Variants in GPRC5C observed in about 807,000 individuals in gnomAD.
GPRC5C encodes G protein-coupled receptor class C group 5 member C.
In GPRC5C, 22 loss-of-function variants were observed where a neutral mutation model predicts 31.4. The ratio of observed to expected loss-of-function variants is 0.70; its 90% CI spans 0.50 to 1.00. The LOEUF (loss-of-function observed/expected upper bound fraction) is 1.00, where lower values mean the gene tolerates loss of function less well. GPRC5C is among the 50% of genes least tolerant of loss of function. GPRC5C has a pLI of 0.00. For synonymous variants in GPRC5C, 249 were observed against 257.5 expected, an observed-to-expected ratio of 0.97 and a Z score of 0.32; for missense variants, 557 against 597.2, an observed-to-expected ratio of 0.93 and a Z score of 0.70.
Position 74,433,567 on chromosome 17 carries a change from G to A in GPRC5C, c.-33+1426G>A, listed in dbSNP as rs548618271. 4 of 734,906 alleles carry A rather than the reference G, an allele frequency of 5.4e-6. No homozygotes were observed. The East Asian group carries it at 7.6e-5, about 14-fold the overall frequency. The allele number at this position is 734,906 out of a possible 1,614,324, so 45.5% of individuals were successfully genotyped here. A position where few individuals can be genotyped will look rare whatever the true frequency, so the allele number is the denominator to read the frequency against. ...CCTGCACAGAGGGGTGAGACAGTGG[G>A]ACCTAACCAGGGACTGGGAGAGACC... On this transcript the variant is annotated intron_variant, in intron 1 of 3. Transcript: ENST00000392627.
At chr17:74,436,262 C>T (rs2055429874) in intron 1 of GPRC5C, among the ~76,000 whole-genome samples, 1 of 152,202 alleles carries the variant, frequency 6.6e-6, no homozygotes, top group Non-Finnish European at 1.5e-5. Flanking sequence ...TTGATTCACA[C>T]CATCTTTTCT....
At chr17:74,435,257 T>G (rs1217926752) in intron 1 of GPRC5C, among the ~76,000 whole-genome samples, 1 of 151,622 alleles carries the variant, frequency 6.6e-6, no homozygotes, top group African/African-American at 2.4e-5. Flanking sequence ...GAATGTGCAC[T>G]CCCGGCATCA....
At chr17:74,433,251 G>GT (rs139486814) in intron 1 of GPRC5C, among the ~76,000 whole-genome samples, 11,648 of 152,178 alleles carry the variant, frequency 0.077, 468 homozygotes, top group African/African-American at 0.11. Flanking sequence ...CCCCACCCCT[G>GT]TGCCTTCAAC....
In GPRC5C at chr17:74,446,982, A is replaced by G. The variant is rs1417035939; in HGVS notation, c.1280A>G (p.Asp427Gly). 3.7e-6 allele frequency: 6 copies of G among 1,614,166 alleles called. 1 individual carries two copies. The Admixed American group carries it at 1.0e-4, about 27-fold the overall frequency. Reference sequence around the variant, plus strand: ...CACCAGGCGGCCACACCGCCGAAAGACGGCAAGAACTCTCAGGTCTTTAGA... The same window carrying G: ...CACCAGGCGGCCACACCGCCGAAAGGCGGCAAGAACTCTCAGGTCTTTAGA... ...QSHQAATPPKDGKNSQVFRNP... is the reference protein window; with the variant it reads ...QSHQAATPPKGGKNSQVFRNP... Residue 427 changes from aspartate (D) to glycine (G), a missense_variant, in exon 4 of 4, where the codon GAC becomes GGC. Physicochemically the swap from Asp to Gly is moderately conservative, Grantham distance 94 (BLOSUM62 -1). Coordinates refer to ENST00000392627, the MANE Select transcript of GPRC5C (RefSeq NM_022036.4).
rs1209205418 is a variant in GPRC5C at position 74,439,865 on chromosome 17, G to A, written c.89G>A (p.Gly30Asp). The change falls in exon 2 of 4, where the codon GGC (glycine) becomes GAC (aspartate). Residue 30 changes from glycine to aspartate, a missense_variant. By Grantham distance (94) the Gly-to-Asp change is moderately conservative. Transcript: ENST00000392627. ...TGGGCCCAGGGCCATGTCCCACCCG[G>A]CTGCAGCCAAGGCCTCAACCCCCTG... ...GAWAQGHVPP[G>D]CSQGLNPLYY... 13 of 1,613,250 alleles carry A rather than the reference G, an allele frequency of 8.1e-6. No homozygotes were observed. The highest frequency in any genetic ancestry group is 1.0e-5 in the Non-Finnish European group (12 of 1,180,016).
chr17:74,445,745 A>C (rs1373490631), intron 3 of GPRC5C: 1 of 151,868 alleles, frequency 6.6e-6, no homozygotes, highest in Non-Finnish European at 1.5e-5. Flanking sequence ...CCAGGAATAC[A>C]CCTTTCCTCC....
chr17:74,444,715 G>A (rs1408177171), intron 3 of GPRC5C, among the ~76,000 whole-genome samples: 1 of 152,206 alleles, frequency 6.6e-6, no homozygotes, highest in Admixed American at 6.5e-5. Context: ...AGCCTGGGCA[G>A]AGGAGAGCTT....
Position 74,447,059 on chromosome 17 carries a change from T to G in GPRC5C, c.*31T>G, listed in dbSNP as rs768347319. On this transcript the variant is annotated 3_prime_UTR_variant, in exon 4 of 4. Coordinates refer to ENST00000392627, the MANE Select transcript of GPRC5C (RefSeq NM_022036.4). ...CGGTGGCGAGGAGAGGCGGGCGGAT[T>G]TGGGGAGGGCCCTGAGGACCTGGCC... 3.8e-6 allele frequency: 6 copies of G among 1,594,008 alleles called. No homozygotes were observed. Among genetic ancestry groups the G allele is most frequent in the Middle Eastern group, 1.7e-4 (1 of 5,962 alleles).
downstream of GPRC5C, among the ~76,000 whole-genome samples, chr17:74,448,164 TA>T (rs559229157): frequency 6.6e-6 from 1 of 152,170 alleles, no homozygotes; most frequent in South Asian, 2.1e-4. Context: ...AATTTTTTTT[TA>T]ATTAGCCAGA....
At position 74,437,629 on chromosome 17, in the gene GPRC5C, A is replaced by ATTT. The variant is rs57390968; in HGVS notation, c.-32-2103_-32-2101dup. Reference sequence around the variant, plus strand: ...CTTTCACATAACAATTATGGACAGAATTTTTTTTTTTTTTTGCTTCTGTGT... The same window carrying ATTT: ...CTTTCACATAACAATTATGGACAGAATTTTTTTTTTTTTTTTTTGCTTCTGTGT... On this transcript the variant is annotated intron_variant, in intron 1 of 3. Coordinates refer to ENST00000392627, the MANE Select transcript of GPRC5C (RefSeq NM_022036.4). Among the ~76,000 whole-genome samples the ATTT allele has an allele frequency of 5.5e-4, 72 of 129,864 alleles. 2 individuals are homozygous for ATTT. In the Middle Eastern group the frequency reaches 0.034, roughly 61 times the overall value. 85.2% of individuals were successfully genotyped at this position (129,864 alleles called of 152,430 possible).
chr17:74,441,553 C>T (rs1039740394), intron 2 of GPRC5C, among the ~76,000 whole-genome samples: 1 of 151,822 alleles, frequency 6.6e-6, no homozygotes, highest in African/African-American at 2.4e-5. Context: ...GGCTGGGCGC[C>T]ATGGCTCACA....
At chr17:74,446,414 T>C (rs1485869356) in intron 3 of GPRC5C, 1 of 152,122 alleles carries the variant, frequency 6.6e-6, no homozygotes, top group Non-Finnish European at 1.4e-5. Flanking sequence ...ATCACGCCAC[T>C]GCACTCCAGC....
intron 1 of GPRC5C, among the ~76,000 whole-genome samples, chr17:74,438,840 T>C (rs960690781): frequency 1.3e-5 from 2 of 152,236 alleles, no homozygotes; most frequent in Admixed American, 6.5e-5. Context: ...CCAATTGGTA[T>C]TGGGAGCAGG....
intron 1 of GPRC5C, among the ~76,000 whole-genome samples, chr17:74,435,020 C>T (rs1044232379): frequency 2.0e-5 from 3 of 151,846 alleles, no homozygotes; most frequent in South Asian, 2.1e-4. Context: ...GAGATTGAGA[C>T]CATCCTAGCT....
Position 74,447,399 on chromosome 17 carries a change from G to T in GPRC5C, c.*371G>T. On this transcript the variant is annotated 3_prime_UTR_variant, in exon 4 of 4. Coordinates refer to ENST00000392627, the MANE Select transcript of GPRC5C (RefSeq NM_022036.4). ...TCTTGCTCCTCTGTGAGGAACAAGG[G>T]TGCCTAATAAATACATTTCTGCTTT... is the stretch of plus-strand genomic sequence containing the variant. The T allele has an allele frequency of 5.0e-6, 5 of 1,004,002 alleles. No homozygotes were observed. Among genetic ancestry groups the T allele is most frequent in the Non-Finnish European group, 6.0e-6 (5 of 838,016 alleles). The allele number at this position is 1,004,002 out of a possible 1,614,324, so 62.2% of individuals were successfully genotyped here.
At chr17:74,438,836 G>A (rs776885033) in intron 1 of GPRC5C, among the ~76,000 whole-genome samples, 1 of 152,216 alleles carries the variant, frequency 6.6e-6, no homozygotes, top group East Asian at 1.9e-4. Flanking sequence ...AAATCCAATT[G>A]GTATTGGGAG....
At chr17:74,448,921 C>G (rs895596665), downstream of GPRC5C, 18 of 1,285,300 alleles carry the variant, frequency 1.4e-5, no homozygotes, top group Non-Finnish European at 1.6e-5. Flanking sequence ...CCTGGGTAAG[C>G]CAGTCCAGTG....
At chr17:74,437,433 T>G (rs1367485892) in intron 1 of GPRC5C, among the ~76,000 whole-genome samples, 1 of 152,226 alleles carries the variant, frequency 6.6e-6, no homozygotes, top group African/African-American at 2.4e-5. Context: ...TTTTAAGAGT[T>G]AATCTTAAGC....
Position 74,440,579 on chromosome 17 carries a change from A to G in GPRC5C, c.803A>G (p.Lys268Arg). Residue 268 changes from lysine to arginine, a missense_variant, in exon 2 of 4, where the codon AAG becomes AGG. By Grantham distance (26) the Lys-to-Arg change is conservative. Coordinates refer to ENST00000392627, the MANE Select transcript of GPRC5C (RefSeq NM_022036.4). This position sits in a 1 kb window ranked among gnomAD's most constrained non-coding sequence, Gnocchi z 4.4. ...VWIVMYTYGN[K>R]QHNSPTWDDP... is the part of the protein sequence containing the mutation. ...ATCGTCATGTATACTTACGGCAACA[A>G]GCAGCACAACAGTCCCACCTGGGAT... 6.2e-7 allele frequency: 1 copy of G among 1,614,184 alleles called. No individual in the cohort carries two copies. The highest frequency in any genetic ancestry group is 1.1e-5 in the South Asian group (1 of 91,088).
Sources: allele counts gnomAD v4.1 joint callset (sites outside exome capture counted in the v4.1 genomes callset), GRCh38; gene constraint gnomAD v4.1.1; non-coding constraint Gnocchi (gnomAD v3.1); transcripts MANE v1.5; gene names NCBI Gene and HGNC (gene_info 2026-07-23, HGNC 2026-07-21).